TNIP3: variants seen among roughly 807,000 people sequenced by gnomAD.
TNIP3 encodes TNFAIP3-interacting protein 3.
Under a neutral mutation model 54.1 loss-of-function variants are expected in TNIP3, and 34 were observed. That is an observed-to-expected ratio of 0.63 (90% CI 0.48 to 0.84). The LOEUF (loss-of-function observed/expected upper bound fraction) is 0.84, where lower values mean the gene tolerates loss of function less well. TNIP3 is among the 40% of genes least tolerant of loss of function. The pLI is 0.00. For synonymous variants in TNIP3, 134 were observed against 136.8 expected, an observed-to-expected ratio of 0.98 and a Z score of 0.14; for missense variants, 366 against 387.6, an observed-to-expected ratio of 0.94 and a Z score of 0.47.
chr4:121,147,977 T>C (rs1729528339), intron 6 of TNIP3, among the ~76,000 whole-genome samples: 1 of 152,208 alleles, frequency 6.6e-6, no homozygotes, highest in Non-Finnish European at 1.5e-5. Flanking sequence ...ACATATTACA[T>C]TTTTAAGGCT....
At chr4:121,209,455 G>A (rs1183486262) in intron 2 of TNIP3, among the ~76,000 whole-genome samples, 4 of 152,128 alleles carry the variant, frequency 2.6e-5, no homozygotes, top group Non-Finnish European at 5.9e-5. Context: ...TGAATTATTG[G>A]ACACATAGTT....
At chr4:121,175,800 T>A (rs917709212) in intron 3 of TNIP3, among the ~76,000 whole-genome samples, 1 of 152,244 alleles carries the variant, frequency 6.6e-6, no homozygotes, top group Non-Finnish European at 1.5e-5. Context: ...TTTCAAAAGT[T>A]AGGGAAATAT....
intron 5 of TNIP3, among the ~76,000 whole-genome samples, chr4:121,151,607 A>G (rs547074056): frequency 2.0e-5 from 3 of 151,742 alleles, no homozygotes; most frequent in South Asian, 4.2e-4. Context: ...TTTTTTTTCA[A>G]TTGGTGAATA....
chr4:121,147,017 G>C (rs774806081), intron 7 of TNIP3, 32 bp downstream of exon 7: 1 of 1,583,088 alleles, frequency 6.3e-7, no homozygotes, highest in East Asian at 2.3e-5. Context: ...ATACATACAT[G>C]CTGGCAAAGA....
intron 3 of TNIP3, among the ~76,000 whole-genome samples, chr4:121,157,671 A>G (rs1208072896): frequency 6.6e-6 from 1 of 152,090 alleles, no homozygotes. Context: ...TTTATCAGTA[A>G]TTTGCAGCAC....
chr4:121,197,233 A>G (rs952806086), intron 2 of TNIP3, among the ~76,000 whole-genome samples: 2 of 152,140 alleles, frequency 1.3e-5, no homozygotes, highest in African/African-American at 2.4e-5. Flanking sequence ...TCTCTTTAAG[A>G]ACACCTAAGT....
chr4:121,182,063 T>A (rs1724746906), intron 3 of TNIP3, among the ~76,000 whole-genome samples: 1 of 152,104 alleles, frequency 6.6e-6, no homozygotes, highest in African/African-American at 2.4e-5. Context: ...GTAAGAATCA[T>A]GAAAGATAGT....
chr4:121,216,629 T>G (rs1726806107), upstream of TNIP3: 9 of 1,457,202 alleles, frequency 6.2e-6, no homozygotes, highest in Non-Finnish European at 8.1e-6. Context: ...TTTATTCTCA[T>G]GTCTTGTTTT....
In TNIP3 at chr4:121,157,439, C is replaced by T. The variant is rs190319321; in HGVS notation, c.214-196G>A. ...AAGGGAGCTTGGCCTTGCACCAAAACAGCCTTCTTTTCTCCAAACCACCCA... is the reference window on the plus strand; with the variant it reads ...AAGGGAGCTTGGCCTTGCACCAAAATAGCCTTCTTTTCTCCAAACCACCCA... On this transcript the variant is annotated intron_variant, in intron 3 of 10. Transcript: ENST00000057513. Among the ~76,000 whole-genome samples, 10 of 152,248 alleles carry T rather than the reference C, an allele frequency of 6.6e-5. No individual in the cohort carries two copies. In the East Asian group the frequency reaches 1.9e-3, roughly 29 times the overall value.
intron 2 of TNIP3, among the ~76,000 whole-genome samples, chr4:121,188,968 A>G (rs1480242952): frequency 6.6e-6 from 1 of 152,214 alleles, no homozygotes. Flanking sequence ...AAACCACCAG[A>G]CTTGGTTTTT....
intron 1 of TNIP3, among the ~76,000 whole-genome samples, chr4:121,222,014 A>T (rs918705132): frequency 2.0e-5 from 3 of 152,096 alleles, no homozygotes; most frequent in Non-Finnish European, 4.4e-5. Flanking sequence ...CTATCACTAC[A>T]TTTGCTTGTC....
At position 121,164,064 on chromosome 4, in the gene TNIP3, T is replaced by C; in HGVS notation, c.62A>G (p.Lys21Arg). ...CTCCTAGAAATATGTTCTTACCTCTTTATGCTCCGTAGAACTTTCTGCGGC... is the reference window on the plus strand; with the variant it reads ...CTCCTAGAAATATGTTCTTACCTCTCTATGCTCCGTAGAACTTTCTGCGGC... ...MIAAESSTEH[K>R]ECAEPSTRKN... The change falls in exon 1 of 11, where the codon AAA becomes AGA. Residue 21 changes from lysine to arginine, a missense_variant. By Grantham distance (26) the Lys-to-Arg change is conservative. Coordinates refer to ENST00000057513, the MANE Select transcript of TNIP3 (RefSeq NM_024873.6). The C allele has an allele frequency of 6.2e-7, 1 of 1,613,644 alleles. No homozygotes were observed. Among genetic ancestry groups the C allele is most frequent in the Admixed American group, 1.7e-5 (1 of 60,002 alleles).
rs1328833641 is a variant in TNIP3, at chr4:121,157,209, T to C, written c.248A>G (p.Glu83Gly). The change falls in exon 4 of 11, where the codon GAA becomes GGA. Residue 83 changes from glutamate (E) to glycine (G), a missense_variant. Coordinates refer to ENST00000057513, the MANE Select transcript of TNIP3 (RefSeq NM_024873.6). Reference protein sequence around the residue: ...AELKTKLDAAERFLSTREKDP... With the variant: ...AELKTKLDAAGRFLSTREKDP... ...CTTCTCCCGCGTGCTGAGGAATCTT[T>C]CCGCGGCGTCCAGTTTCGTCTTCAG... is the stretch of plus-strand genomic sequence containing the variant. 1 of 1,614,006 alleles carries C rather than the reference T, an allele frequency of 6.2e-7. No homozygotes were observed. Among genetic ancestry groups the C allele is most frequent in the African/African-American group, 1.3e-5 (1 of 74,882 alleles).
At chr4:121,210,900 A>G (rs1434858776) in intron 2 of TNIP3, among the ~76,000 whole-genome samples, 1 of 152,240 alleles carries the variant, frequency 6.6e-6, no homozygotes, top group Non-Finnish European at 1.5e-5. Context: ...GTTGTGTTCT[A>G]AAACAAAGTA....
At chr4:121,188,703 G>A (rs1455585282) in intron 2 of TNIP3, among the ~76,000 whole-genome samples, 1 of 152,132 alleles carries the variant, frequency 6.6e-6, no homozygotes, top group East Asian at 1.9e-4. Flanking sequence ...TAATCATCCT[G>A]TTCTAACACT....
At chr4:121,201,482 A>G (rs188724592) in intron 2 of TNIP3, among the ~76,000 whole-genome samples, 31 of 152,356 alleles carry the variant, frequency 2.0e-4, no homozygotes, top group African/African-American at 7.5e-4. Context: ...CTAAGAAGAC[A>G]TAAATATGGT....
chr4:121,203,216 T>TATAGATAGATAGATAGATAG (rs148903658), intron 2 of TNIP3, among the ~76,000 whole-genome samples: 1 of 146,964 alleles, frequency 6.8e-6, no homozygotes, highest in Non-Finnish European at 1.5e-5. Flanking sequence ...GAAAATGTGA[T>TATAGATAGATAGATAGATAG]ATAGATAGAT....
chr4:121,212,476 T>G (rs543282292), intron 2 of TNIP3, among the ~76,000 whole-genome samples: 2 of 152,328 alleles, frequency 1.3e-5, no homozygotes, highest in East Asian at 3.9e-4. Context: ...CTTTGATGTT[T>G]ATTAGTTTGA....
At chr4:121,173,178 A>C (rs1230775128) in intron 3 of TNIP3, among the ~76,000 whole-genome samples, 1 of 152,178 alleles carries the variant, frequency 6.6e-6, no homozygotes, top group Non-Finnish European at 1.5e-5. Flanking sequence ...TTGTAGCAGG[A>C]GACATCATTT....
Sources: gnomAD v4.1 joint callset for allele counts (sites outside exome capture counted in the v4.1 genomes callset) on GRCh38, gnomAD v4.1.1 for gene constraint, MANE v1.5 for transcripts, NCBI Gene and HGNC (gene_info 2026-07-23, HGNC 2026-07-21) for gene names.